The following DYM variants were observed in gnomAD, a reference collection of about 807,000 sequenced individuals.
DYM encodes the protein dyggve-Melchior-Clausen syndrome protein.
DYM carries 78 observed loss-of-function variants against 93.1 expected under a neutral mutation model. The observed-to-expected ratio is 0.84, with a 90% CI of 0.70 to 1.01. The LOEUF is 1.01. DYM is among the 50% of genes least tolerant of loss of function. The pLI, the probability that DYM is intolerant of heterozygous loss-of-function variation, is 0.00. For missense variants in DYM, 789 were observed against 845.0 expected, an observed-to-expected ratio of 0.93 and a Z score of 0.82; for synonymous variants, 321 against 319.7, an observed-to-expected ratio of 1.00 and a Z score of -0.04.
chr18:49,335,999 A>G (rs1371028774), intron 6 of DYM, among the ~76,000 whole-genome samples: 15 of 152,086 alleles, frequency 9.9e-5, no homozygotes, highest in Admixed American at 9.8e-4. Context: ...TTTTTTACAA[A>G]GAGGGGGTTT....
chr18:49,355,373 T>C (rs1229909015), intron 6 of DYM, among the ~76,000 whole-genome samples: 1 of 148,384 alleles, frequency 6.7e-6, no homozygotes, highest in Non-Finnish European at 1.5e-5. Context: ...CATTGATAGA[T>C]AGATGATACA....
chr18:49,309,031 A>G (rs1489329571), intron 8 of DYM, among the ~76,000 whole-genome samples: 3 of 150,586 alleles, frequency 2.0e-5, no homozygotes, highest in Non-Finnish European at 4.4e-5. Flanking sequence ...TACATAAACA[A>G]GATAGGATTT....
intron 6 of DYM, among the ~76,000 whole-genome samples, chr18:49,337,500 T>C (rs1009859548): frequency 1.1e-4 from 17 of 152,190 alleles, no homozygotes; most frequent in African/African-American, 4.1e-4. Context: ...CTTCTGAGAT[T>C]GTGAGTGCTA....
At chr18:49,141,533 C>T (rs1353790170) in intron 15 of DYM, among the ~76,000 whole-genome samples, 2 of 152,132 alleles carry the variant, frequency 1.3e-5, no homozygotes, top group Admixed American at 6.5e-5. Flanking sequence ...AACAGAGCTC[C>T]GTCCTGCTTC....
At chr18:49,405,962 T>C (rs2071447211) in intron 2 of DYM, among the ~76,000 whole-genome samples, 1 of 152,206 alleles carries the variant, frequency 6.6e-6, no homozygotes, top group Non-Finnish European at 1.5e-5. Context: ...AATGTATTCC[T>C]AGGTATTTTC....
chr18:49,319,660 A>C (rs908971507), intron 8 of DYM, among the ~76,000 whole-genome samples: 5 of 152,348 alleles, frequency 3.3e-5, no homozygotes, highest in African/African-American at 1.2e-4. Context: ...TTCCATTTTT[A>C]AATGAGGAAA....
At chr18:49,324,392 A>C (rs908587504) in intron 8 of DYM, among the ~76,000 whole-genome samples, 5 of 152,204 alleles carry the variant, frequency 3.3e-5, no homozygotes, top group African/African-American at 1.2e-4. Context: ...CAAATATAAT[A>C]ACCTTTTAGA....
chr18:49,388,889 GA>G (rs912676508), intron 3 of DYM, among the ~76,000 whole-genome samples: 2 of 66,316 alleles, frequency 3.0e-5, no homozygotes, highest in African/African-American at 5.9e-5. Context: ...CAAAAGCCAA[GA>G]AAAAAAATAG....
At chr18:49,141,976 C>T (rs2084549545) in intron 15 of DYM, among the ~76,000 whole-genome samples, 1 of 152,078 alleles carries the variant, frequency 6.6e-6, no homozygotes, top group Middle Eastern at 3.4e-3. Flanking sequence ...GCCTCAGCCT[C>T]CTGAGTAGCT....
At chr18:49,180,671 T>C (rs983901520) in intron 14 of DYM, among the ~76,000 whole-genome samples, 3 of 152,152 alleles carry the variant, frequency 2.0e-5, no homozygotes, top group Non-Finnish European at 4.4e-5. Context: ...TCATTTTTGA[T>C]GTTATGCAGA....
chr18:49,066,008 C>T (rs928061878), intron 17 of DYM, among the ~76,000 whole-genome samples: 1 of 152,006 alleles, frequency 6.6e-6, no homozygotes, highest in African/African-American at 2.4e-5. Context: ...CTTCATGGAC[C>T]GCTCCTCCCC....
chr18:49,355,283 A>G (rs1259602626), intron 6 of DYM, among the ~76,000 whole-genome samples: 4 of 152,144 alleles, frequency 2.6e-5, no homozygotes, highest in East Asian at 3.9e-4. Flanking sequence ...ATATCAATAG[A>G]TATGCATTGA....
At chr18:49,327,759 C>A (rs537149250) in intron 8 of DYM, among the ~76,000 whole-genome samples, 2 of 152,138 alleles carry the variant, frequency 1.3e-5, no homozygotes, top group Non-Finnish European at 2.9e-5. Context: ...CAGTGCCTGG[C>A]AAACAGAAGG....
At chr18:49,430,562 T>C (rs2074717427) in intron 1 of DYM, 115 bp from the exon 2 acceptor site, 1 of 820,894 alleles carries the variant, frequency 1.2e-6, no homozygotes, top group Non-Finnish European at 1.9e-6. Flanking sequence ...TATTTATAAA[T>C]ATATTAGACA....
At chr18:49,144,594 T>C (rs1426653293) in intron 15 of DYM, among the ~76,000 whole-genome samples, 1 of 152,188 alleles carries the variant, frequency 6.6e-6, no homozygotes, top group Non-Finnish European at 1.5e-5. Context: ...AGAAATCTGG[T>C]TGTTACAGAT....
chr18:49,220,172 A>T (rs2093288781), intron 13 of DYM, among the ~76,000 whole-genome samples: 1 of 152,178 alleles, frequency 6.6e-6, no homozygotes, highest in Non-Finnish European at 1.5e-5. Flanking sequence ...AAAGAGAATA[A>T]AATATCTAGG....
rs534537183 is a variant in DYM at position 49,037,407 on chromosome 18, C to T, written c.*6648G>A. On this transcript the variant is annotated 3_prime_UTR_variant, in exon 18 of 18. Transcript: ENST00000675505. ...TATATATATATATGAACAATAGACA[C>T]TAGGGACTCCAAAACGAGGGAGGAA... 2.0e-5 allele frequency among the ~76,000 whole-genome samples: 3 copies of T among 151,862 alleles called. No homozygotes were observed. The highest frequency in any genetic ancestry group is 7.3e-5 in the African/African-American group (3 of 41,368).
chr18:49,289,727 G>GTATATATATATATATATATA (rs386387632), intron 8 of DYM, among the ~76,000 whole-genome samples: 6 of 85,050 alleles, frequency 7.1e-5, no homozygotes, highest in Non-Finnish European at 1.1e-4. Context: ...ATATATATGT[G>GTATATATATATATATATATA]TATATATATA....
intron 6 of DYM, among the ~76,000 whole-genome samples, chr18:49,358,114 CCCT>C (rs2065722234): frequency 6.6e-6 from 1 of 152,100 alleles, no homozygotes; most frequent in Admixed American, 6.6e-5. Flanking sequence ...TGTGCCACTG[CCCT>C]CCAGGCTGGG....
Sources: gnomAD v4.1 joint callset for allele counts (sites outside exome capture counted in the v4.1 genomes callset) on GRCh38, gnomAD v4.1.1 for gene constraint, MANE v1.5 for transcripts, NCBI Gene and HGNC (gene_info 2026-07-23, HGNC 2026-07-21) for gene names.